Variants in TMPRSS9 observed in about 807,000 individuals in gnomAD.
The protein encoded by TMPRSS9 is transmembrane serine protease 9, also known as transmembrane protease serine 9.
TMPRSS9 carries 113 observed loss-of-function variants against 111.4 expected under a neutral mutation model. The observed-to-expected ratio is 1.01, with a 90% confidence interval of 0.87 to 1.19. The LOEUF is 1.19. Ranked by LOEUF, TMPRSS9 falls within the 50% of genes most tolerant of loss-of-function variation. The pLI, the probability that TMPRSS9 is intolerant of heterozygous loss-of-function variation, is 0.00. For synonymous variants in TMPRSS9, 805 were observed against 659.1 expected, an observed-to-expected ratio of 1.22 and a Z score of -3.39; for missense variants, 1,803 against 1,513.1, an observed-to-expected ratio of 1.19 and a Z score of -3.18.
At chr19:2,416,569 G>T in exon 12 of TMPRSS9, 1 of 1,611,116 alleles carries the variant, frequency 6.2e-7, no homozygotes. Context: ...GGCCCACCTG[G>T]GCACTGCGTC....
chr19:2,368,981 T>A (rs1172227236), intron 1 of TMPRSS9, among the ~76,000 whole-genome samples: 2 of 150,412 alleles, frequency 1.3e-5, no homozygotes, highest in Non-Finnish European at 3.0e-5. Context: ...GACAGAGTTT[T>A]GCTCTCATTG....
At chr19:2,382,158 A>G (rs1970392794) in intron 1 of TMPRSS9, among the ~76,000 whole-genome samples, 1 of 152,050 alleles carries the variant, frequency 6.6e-6, no homozygotes, top group African/African-American at 2.4e-5. Context: ...CAGATTAACA[A>G]CCAAAACGTT....
At chr19:2,385,347 T>A (rs1211882999), upstream of TMPRSS9, among the ~76,000 whole-genome samples, 1 of 152,064 alleles carries the variant, frequency 6.6e-6, no homozygotes, top group African/African-American at 2.4e-5. Flanking sequence ...TGCTTAGGGA[T>A]CCATGCGACA....
intron 8 of TMPRSS9, among the ~76,000 whole-genome samples, chr19:2,409,354 G>A (rs1971048771): frequency 6.6e-6 from 1 of 151,752 alleles, no homozygotes; most frequent in Non-Finnish European, 1.5e-5. Flanking sequence ...GTGTTGGCCG[G>A]GCTGGTCTTG....
chr19:2,415,588 C>T (rs760305477), intron 10 of TMPRSS9, 82 bp from the exon 12 acceptor site: 15 of 1,302,544 alleles, frequency 1.2e-5, no homozygotes, highest in Middle Eastern at 2.7e-4. Context: ...TGGCTGCAAC[C>T]GGTGTCCTGG....
chr19:2,424,291 T>A, intron 15 of TMPRSS9, 34 bp downstream of exon 16: 1 of 1,319,480 alleles, frequency 7.6e-7, no homozygotes, highest in Non-Finnish European at 9.7e-7. Flanking sequence ...CCCCTACATG[T>A]CTCTGTAGCT....
rs780418292 is a variant in TMPRSS9 at position 2,413,652 on chromosome 19, G to C, written c.1255-48G>C. On this transcript the variant is annotated intron_variant, in intron 9 of 17. Coordinates refer to ENST00000648592, the Ensembl canonical transcript of TMPRSS9. ...CTTGGGCCTCGTAGCACTGGTGTCTGGACTGGCTGCTGCCGACCCATCCTG... is the reference window on the plus strand; with the variant it reads ...CTTGGGCCTCGTAGCACTGGTGTCTCGACTGGCTGCTGCCGACCCATCCTG... 2.6e-6 allele frequency: 4 copies of C among 1,558,150 alleles called. No individual in the cohort carries two copies. In the South Asian group the frequency reaches 3.5e-5, roughly 14 times the overall value.
chr19:2,386,812 T>G (rs890395316), upstream of TMPRSS9, among the ~76,000 whole-genome samples: 3 of 146,368 alleles, frequency 2.0e-5, no homozygotes, highest in Admixed American at 6.9e-5. Context: ...GCCAATATGG[T>G]GAAACCCCAT....
At chr19:2,414,177 A>T (rs960506683) in intron 10 of TMPRSS9, 159 bp downstream of exon 11, 1 of 728,300 alleles carries the variant, frequency 1.4e-6, no homozygotes. Flanking sequence ...GTGTACCCTC[A>T]TGGTATCTTT....
At chr19:2,403,264 C>G in intron 6 of TMPRSS9, 69 bp downstream of exon 7, 1 of 1,279,676 alleles carries the variant, frequency 7.8e-7, no homozygotes, top group Non-Finnish European at 1.1e-6. Context: ...TGGCTCTGGT[C>G]TGTGGTCACT....
exon 17 of TMPRSS9, chr19:2,425,391 G>A (rs368822912): frequency 2.6e-6 from 4 of 1,556,214 alleles, no homozygotes; most frequent in Non-Finnish European, 3.4e-6. Flanking sequence ...AGGCGGCCGT[G>A]CGCCTCCTCA....
intron 1 of TMPRSS9, among the ~76,000 whole-genome samples, chr19:2,366,610 C>T (rs2145239796): frequency 6.6e-6 from 1 of 150,918 alleles, no homozygotes; most frequent in East Asian, 2.0e-4. Context: ...GTAATCCCAG[C>T]ACTTTGGGAG....
chr19:2,410,417 C>T (rs1383427263), intron 9 of TMPRSS9, 23 bp downstream of exon 10: 41 of 1,612,028 alleles, frequency 2.5e-5, no homozygotes, highest in Non-Finnish European at 3.4e-5. Flanking sequence ...TGCCCCAGAC[C>T]CCAGAAAAAC....
chr19:2,413,697 T>C lies in TMPRSS9; in HGVS notation c.1255-3T>C. 6.3e-7 allele frequency: 1 copy of C among 1,599,438 alleles called. No homozygotes were observed. Among genetic ancestry groups the C allele is most frequent in the South Asian group, 1.1e-5 (1 of 90,738 alleles). ...ATCCTGAGGGTGTGTGTTGGTTTCC[T>C]AGGGTGACTCAGGAGGACCCCTGGT... On this transcript the variant is annotated splice_polypyrimidine_tract_variant and splice_region_variant and intron_variant, in intron 9 of 17. Transcript: ENST00000648592.
intron 4 of TMPRSS9, among the ~76,000 whole-genome samples, chr19:2,399,542 C>G (rs1419351356): frequency 1.3e-5 from 2 of 152,142 alleles, no homozygotes; most frequent in Non-Finnish European, 2.9e-5. Context: ...TGCCATTGCA[C>G]TCCAGCCTGG....
At chr19:2,421,538 C>G (rs549297485) in intron 13 of TMPRSS9, among the ~76,000 whole-genome samples, 4 of 152,134 alleles carry the variant, frequency 2.6e-5, no homozygotes, top group African/African-American at 7.2e-5. Context: ...CTGCCTGCCT[C>G]AGCCTCCTAA....
In TMPRSS9 at chr19:2,399,744, A is replaced by G. The variant is rs937962833; in HGVS notation, c.514+551A>G. On this transcript the variant is annotated intron_variant, in intron 4 of 17. Transcript: ENST00000648592. ...CCATTTTTTTTATTTTTGAGACAGGATCTCACTCTGTTGCCCAGTCTGGAG... is the reference window on the plus strand; with the variant it reads ...CCATTTTTTTTATTTTTGAGACAGGGTCTCACTCTGTTGCCCAGTCTGGAG... Among the ~76,000 whole-genome samples, 25 of 151,832 alleles carry G rather than the reference A, an allele frequency of 1.6e-4. No homozygotes were observed. In the South Asian group the frequency reaches 2.1e-3, roughly 13 times the overall value.
At chr19:2,381,054 T>C (rs1439828976) in intron 1 of TMPRSS9, among the ~76,000 whole-genome samples, 1 of 152,030 alleles carries the variant, frequency 6.6e-6, no homozygotes, top group Non-Finnish European at 1.5e-5. Context: ...TTTGAGCCAT[T>C]CTTGTAGCAT....
chr19:2,393,657 T>C (rs2145294000), intron 1 of TMPRSS9, among the ~76,000 whole-genome samples: 1 of 152,192 alleles, frequency 6.6e-6, no homozygotes, highest in Non-Finnish European at 1.5e-5. Flanking sequence ...CCCAGCACTT[T>C]GGGAGGCTGA....
Sources: allele counts gnomAD v4.1 joint callset (sites outside exome capture counted in the v4.1 genomes callset), GRCh38; gene constraint gnomAD v4.1.1; transcripts MANE v1.5; gene names NCBI Gene and HGNC (gene_info 2026-07-23, HGNC 2026-07-21).